Variants in VANGL2 observed in about 807,000 individuals in gnomAD.
VANGL2 encodes the protein VANGL planar cell polarity protein 2.
VANGL2 carries 14 observed loss-of-function variants against 50.2 expected under a neutral mutation model. The ratio of observed to expected loss-of-function variants is 0.28; its 90% CI spans 0.18 to 0.44. VANGL2 has a LOEUF of 0.44. Ranked by LOEUF, VANGL2 falls within the 20% of genes least tolerant of loss-of-function variation. VANGL2 has a pLI of 1.00. For missense variants in VANGL2, 533 were observed against 701.5 expected, an observed-to-expected ratio of 0.76 and a Z score of 2.71; for synonymous variants, 295 against 297.2, an observed-to-expected ratio of 0.99 and a Z score of 0.08.
chr1:160,401,764 C>T (rs1650472228), intron 1 of VANGL2, among the ~76,000 whole-genome samples: 1 of 151,696 alleles, frequency 6.6e-6, no homozygotes, highest in South Asian at 2.1e-4. Context: ...GAGGGGTTCA[C>T]GGGAAAGAGG....
chr1:160,420,397 C>T lies in VANGL2; in HGVS notation c.801-14C>T, dbSNP rs189457878. ...TGTCCCTTCTCCCACCCCCTCCTGCCGTCTCCCCCACAGCATCCAGCGCGT... is the reference window on the plus strand; with the variant it reads ...TGTCCCTTCTCCCACCCCCTCCTGCTGTCTCCCCCACAGCATCCAGCGCGT... On this transcript the variant is annotated splice_polypyrimidine_tract_variant and intron_variant, in intron 4 of 7. Transcript: ENST00000368061. The T allele has an allele frequency of 2.7e-5, 43 of 1,613,998 alleles. No individual in the cohort carries two copies. In the African/African-American group the frequency reaches 3.6e-4, roughly 14 times the overall value.
chr1:160,415,017 A>G (rs546504361), intron 1 of VANGL2, among the ~76,000 whole-genome samples: 35 of 152,274 alleles, frequency 2.3e-4, no homozygotes, highest in Middle Eastern at 3.4e-3. Flanking sequence ...TATTATCCAT[A>G]GTTTCCACCC....
At chr1:160,417,260 T>A (rs1188138047) in intron 3 of VANGL2, among the ~76,000 whole-genome samples, 1 of 152,190 alleles carries the variant, frequency 6.6e-6, no homozygotes, top group Admixed American at 6.5e-5. Context: ...CCCTAATCAC[T>A]GGTGCTGTCG....
chr1:160,408,243 C>A (rs983935794), intron 1 of VANGL2, among the ~76,000 whole-genome samples: 2 of 151,932 alleles, frequency 1.3e-5, no homozygotes, highest in Admixed American at 6.6e-5. Context: ...CTGGGTGGGG[C>A]AGGCAGGAGT....
intron 1 of VANGL2, among the ~76,000 whole-genome samples, chr1:160,413,710 C>G (rs1403300844): frequency 6.6e-6 from 1 of 152,136 alleles, no homozygotes; most frequent in Non-Finnish European, 1.5e-5. Flanking sequence ...TTTGCCTGCT[C>G]CTTTTCCTCT....
Position 160,419,411 on chromosome 1 carries a change from G to T in VANGL2, c.602G>T (p.Gly201Val), listed in dbSNP as rs773738322. ...LLVVSYWLFY[G>V]VRILDARERS... ...GTGGTCTCCTACTGGCTCTTCTATG[G>T]TGTGCGCATCCTGGATGCTCGGGAG... Residue 201 changes from glycine (G) to valine (V), a missense_variant, in exon 4 of 8, where the codon GGT becomes GTT. By Grantham distance (109) the Gly-to-Val change is moderately radical. Transcript: ENST00000368061. This position sits in a 1 kb window ranked among gnomAD's most constrained non-coding sequence, Gnocchi z 5.8. 6.2e-7 allele frequency: 1 copy of T among 1,612,298 alleles called. No homozygotes were observed.
intron 1 of VANGL2, among the ~76,000 whole-genome samples, chr1:160,407,008 G>A (rs139580914): frequency 6.6e-5 from 10 of 152,310 alleles, no homozygotes; most frequent in South Asian, 2.1e-4. Flanking sequence ...GATCACAGGC[G>A]TGAGCCACCA....
intron 1 of VANGL2, among the ~76,000 whole-genome samples, chr1:160,404,882 A>G (rs775469484): frequency 6.6e-6 from 1 of 152,198 alleles, no homozygotes; most frequent in African/African-American, 2.4e-5. Context: ...GAAGGCACAC[A>G]GGGTATTTGG....
intron 1 of VANGL2, among the ~76,000 whole-genome samples, chr1:160,410,583 G>A (rs925330033): frequency 6.6e-6 from 1 of 152,016 alleles, no homozygotes; most frequent in Non-Finnish European, 1.5e-5. Context: ...TGTGTTCAAC[G>A]CCTTGCCCAC....
At position 160,427,344 on chromosome 1, in the gene VANGL2, G is replaced by C. The variant is rs1257574076; in HGVS notation, c.*1966G>C. 6.6e-6 allele frequency: 1 copy of C among 152,524 alleles called. No individual in the cohort carries two copies. The highest frequency in any genetic ancestry group is 6.5e-5 in the Admixed American group (1 of 15,268). The allele number at this position is 152,524 out of a possible 1,614,324, so 9.4% of individuals were successfully genotyped here. On this transcript the variant is annotated 3_prime_UTR_variant, in exon 8 of 8. Transcript: ENST00000368061. ...AGGTTGGGGTGGGGGAGAGGGAAAG[G>C]ATTTGGGATCTTAGTTGCTGCCCTA...
intron 6 of VANGL2, among the ~76,000 whole-genome samples, chr1:160,421,785 G>T (rs12088083): frequency 0.28 from 43,308 of 151,968 alleles, 6,484 homozygotes; most frequent in Middle Eastern, 0.35. Context: ...CCACAGTGGG[G>T]TAGGGACCCA....
intron 1 of VANGL2, among the ~76,000 whole-genome samples, chr1:160,414,059 A>C (rs1262959218): frequency 6.6e-6 from 1 of 152,100 alleles, no homozygotes; most frequent in Non-Finnish European, 1.5e-5. Flanking sequence ...TTGACCACCA[A>C]CATTAAGTCT....
In VANGL2 at chr1:160,424,227, A is replaced by G. The variant is rs1651372269; in HGVS notation, c.1249A>G (p.Met417Val). The G allele has an allele frequency of 6.2e-7, 1 of 1,614,158 alleles. No individual in the cohort carries two copies. Among genetic ancestry groups the G allele is most frequent in the Non-Finnish European group, 8.5e-7 (1 of 1,180,034 alleles). The change falls in exon 7 of 8, where the codon ATG (methionine) becomes GTG (valine). Residue 417 changes from methionine to valine, a missense_variant. Met to Val is a conservative substitution (Grantham distance 21). Transcript: ENST00000368061. ...RTTKQQPYHT[M>V]ESILQHLEFC... ...CACCAAGCAGCAGCCCTACCACACC[A>G]TGGAGAGCATCCTGCAGCACCTTGA...
At chr1:160,414,640 C>T (rs1410533862) in intron 1 of VANGL2, among the ~76,000 whole-genome samples, 1 of 152,066 alleles carries the variant, frequency 6.6e-6, no homozygotes, top group Non-Finnish European at 1.5e-5. Context: ...TCTGTTATAC[C>T]ACTTTATACC....
chr1:160,406,119 A>G (rs1650651022), intron 1 of VANGL2, among the ~76,000 whole-genome samples: 1 of 152,136 alleles, frequency 6.6e-6, no homozygotes, highest in Non-Finnish European at 1.5e-5. Flanking sequence ...AGGCACTATT[A>G]TTGCCATTTT....
chr1:160,415,996 G>A lies in VANGL2; in HGVS notation c.72-66G>A, dbSNP rs1161045604. The A allele has an allele frequency of 7.4e-6, 12 of 1,614,026 alleles. No homozygotes were observed. In the African/African-American group the frequency reaches 1.6e-4, roughly 22 times the overall value. ...GCACGTGCAGGGGTGGTAGGGTAGA[G>A]TGGCTGCTGAGAAGACCCTGGTCCA... On this transcript the variant is annotated intron_variant, in intron 2 of 7. Transcript: ENST00000368061.
chr1:160,421,320 G>C, intron 6 of VANGL2, 133 bp downstream of exon 6: 1 of 1,197,188 alleles, frequency 8.4e-7, no homozygotes, highest in Non-Finnish European at 1.2e-6. Context: ...CTTGTTTTCC[G>C]TTGCTGCCCT....
chr1:160,420,190 T>C (rs1181723815), intron 4 of VANGL2, among the ~76,000 whole-genome samples: 1 of 152,086 alleles, frequency 6.6e-6, no homozygotes, highest in Non-Finnish European at 1.5e-5. Flanking sequence ...GCCCTTTCTC[T>C]GCTAGGCTTT....
Position 160,415,849 on chromosome 1 carries a change from G to A in VANGL2, c.12G>A (p.Glu4=), listed in dbSNP as rs772306942. The change falls in exon 2 of 8, where the codon GAG becomes GAA. Residue 4 remains glutamate (E), a synonymous_variant. Coordinates refer to ENST00000368061, the MANE Select transcript of VANGL2 (RefSeq NM_020335.3). The part of the protein sequence containing the change: MDT[E]SQYSGYSYKS... ...GGCGTTCAGACGCCATGGACACCGA[G>A]TCCCAGTACTCGGGCTATTCCTACA... is the stretch of plus-strand genomic sequence containing the variant. 79 of 1,613,766 alleles carry A rather than the reference G, an allele frequency of 4.9e-5. No individual in the cohort carries two copies. The Admixed American group carries it at 8.3e-4, about 17-fold the overall frequency.
Sources: allele counts gnomAD v4.1 joint callset (sites outside exome capture counted in the v4.1 genomes callset), GRCh38; gene constraint gnomAD v4.1.1; non-coding constraint Gnocchi (gnomAD v3.1); transcripts MANE v1.5; gene names NCBI Gene and HGNC (gene_info 2026-07-23, HGNC 2026-07-21).